The following DIS3L2 variants were observed in gnomAD, a reference collection of about 807,000 sequenced individuals.
DIS3L2 encodes DIS3 like 3'-5' exoribonuclease 2.
DIS3L2 carries 34 observed loss-of-function variants against 97.5 expected under a neutral mutation model. The observed-to-expected ratio is 0.35, with a 90% CI of 0.27 to 0.46. DIS3L2 has a LOEUF of 0.46. Among genes scored for constraint, DIS3L2 ranks in the 20% least tolerant of loss-of-function variants. DIS3L2 has a pLI of 1.00. For synonymous variants in DIS3L2, 435 were observed against 445.2 expected (o/e 0.98, Z 0.29); for missense variants, 1,038 against 1,146.0 (o/e 0.91, Z 1.36).
intron 1 of DIS3L2, among the ~76,000 whole-genome samples, chr2:231,999,393 A>G (rs900459029): frequency 6.6e-6 from 1 of 152,230 alleles, no homozygotes; most frequent in Non-Finnish European, 1.5e-5. Context: ...AAGCTAGGGA[A>G]TATAAGAATA....
intron 5 of DIS3L2, among the ~76,000 whole-genome samples, chr2:232,056,131 G>A (rs1248520772): frequency 1.3e-5 from 2 of 152,148 alleles, no homozygotes; most frequent in African/African-American, 4.8e-5. Flanking sequence ...AGCACTTTGG[G>A]AGGCTGAGGC....
intron 12 of DIS3L2, among the ~76,000 whole-genome samples, chr2:232,252,945 A>C (rs1042153944): frequency 3.9e-5 from 6 of 152,190 alleles, no homozygotes; most frequent in African/African-American, 1.4e-4. Flanking sequence ...GATGAAAAAA[A>C]ATAAAAAACA....
chr2:232,188,013 G>A (rs562413287), intron 9 of DIS3L2, among the ~76,000 whole-genome samples: 7 of 152,196 alleles, frequency 4.6e-5, no homozygotes, highest in African/African-American at 1.2e-4. Context: ...GGTGGTGTGC[G>A]CCTGTAATCC....
chr2:232,249,021 G>A (rs1371532888), intron 11 of DIS3L2, among the ~76,000 whole-genome samples: 1 of 152,148 alleles, frequency 6.6e-6, no homozygotes, highest in Non-Finnish European at 1.5e-5. Flanking sequence ...TCCCTTACCA[G>A]TTCTCCTCAC....
At chr2:232,236,630 A>G (rs1277424349) in intron 10 of DIS3L2, among the ~76,000 whole-genome samples, 3 of 152,242 alleles carry the variant, frequency 2.0e-5, no homozygotes, top group African/African-American at 4.8e-5. Context: ...CCTGAAGTTC[A>G]TATCATTTAT....
Position 232,330,709 on chromosome 2 carries a change from T to C in DIS3L2, c.1943T>C (p.Phe648Ser). The change falls in exon 16 of 21, where the codon TTT becomes TCT. Residue 648 changes from phenylalanine to serine, a missense_variant. Physicochemically the swap from Phe to Ser is radical, Grantham distance 155. Transcript: ENST00000325385. ...TTCTAGAAAAGCCTGACCCAAACAT[T>C]TGGAGATGACAAGTACTCACTGGCC... ...GALNKSLTQT[F>S]GDDKYSLARK... is the part of the protein sequence containing the mutation. The C allele has an allele frequency of 6.2e-7, 1 of 1,613,946 alleles. No individual in the cohort carries two copies. Among genetic ancestry groups the C allele is most frequent in the Non-Finnish European group, 8.5e-7 (1 of 1,180,016 alleles).
chr2:232,044,671 A>G (rs778651732), intron 5 of DIS3L2, among the ~76,000 whole-genome samples: 1 of 152,190 alleles, frequency 6.6e-6, no homozygotes, highest in Non-Finnish European at 1.5e-5. Context: ...CCTCAATTGC[A>G]CTTGAATAAA....
intron 1 of DIS3L2, among the ~76,000 whole-genome samples, chr2:232,004,322 C>T (rs1234296309): frequency 6.6e-6 from 1 of 152,172 alleles, no homozygotes; most frequent in Non-Finnish European, 1.5e-5. Flanking sequence ...ATCGACCCGC[C>T]TTGACCCCAC....
intron 11 of DIS3L2, among the ~76,000 whole-genome samples, chr2:232,247,958 AAAGTTG>A (rs1377414151): frequency 3.9e-5 from 6 of 152,210 alleles, no homozygotes; most frequent in African/African-American, 1.2e-4. Flanking sequence ...GCTGGTAGGA[AAAGTTG>A]TTACCAGAGT....
intron 1 of DIS3L2, among the ~76,000 whole-genome samples, chr2:232,002,589 T>C (rs1693938055): frequency 6.6e-6 from 1 of 152,262 alleles, no homozygotes. Context: ...TTTCTTTCTA[T>C]TTGAATTGCA....
intron 13 of DIS3L2, among the ~76,000 whole-genome samples, chr2:232,294,568 C>T (rs940892252): frequency 2.0e-5 from 3 of 152,202 alleles, no homozygotes; most frequent in Non-Finnish European, 2.9e-5. Flanking sequence ...CATTCCTTGA[C>T]TTCTTTTTGG....
intron 13 of DIS3L2, among the ~76,000 whole-genome samples, chr2:232,275,811 C>T (rs186019819): frequency 6.6e-6 from 1 of 152,296 alleles, no homozygotes; most frequent in Admixed American, 6.5e-5. Context: ...GAGTGGCTTA[C>T]TGTCTCCTGG....
chr2:232,035,543 G>A (rs538688120), intron 5 of DIS3L2, among the ~76,000 whole-genome samples: 2 of 152,270 alleles, frequency 1.3e-5, no homozygotes, highest in East Asian at 1.9e-4. Context: ...CTGTCATTAC[G>A]ATGCTAGCTG....
chr2:232,057,339 G>T (rs958875753), intron 5 of DIS3L2, among the ~76,000 whole-genome samples: 4 of 152,066 alleles, frequency 2.6e-5, no homozygotes, highest in African/African-American at 9.7e-5. Context: ...CTTGAGTGTG[G>T]GTGGGACCTG....
rs1483169402 is a variant in DIS3L2 at position 232,269,623 on chromosome 2, G to A, written c.1659+6183G>A. 6.6e-6 allele frequency among the ~76,000 whole-genome samples: 1 copy of A among 152,154 alleles called. No individual in the cohort carries two copies. The highest frequency in any genetic ancestry group is 1.9e-4 in the East Asian group (1 of 5,182). On this transcript the variant is annotated intron_variant, in intron 13 of 20. Transcript: ENST00000325385. The surrounding 1 kb of genome is among the most constrained non-coding windows in gnomAD (Gnocchi z 4.5). ...GGGGTTCAGGGAAGATTTTCCAGCA[G>A]AAGTAGTGGGGCATTAGGCCTTCTA...
At chr2:232,260,428 TG>T in intron 12 of DIS3L2, 1 of 152,350 alleles carries the variant, frequency 6.6e-6, no homozygotes, top group Non-Finnish European at 1.5e-5. Context: ...CACTCCCCAC[TG>T]GGACTGTCAG....
intron 7 of DIS3L2, among the ~76,000 whole-genome samples, chr2:232,132,235 C>T (rs1323837320): frequency 2.0e-5 from 3 of 152,106 alleles, no homozygotes; most frequent in Non-Finnish European, 4.4e-5. Flanking sequence ...AGGCAAACAG[C>T]ACTTGCCTGC....
intron 5 of DIS3L2, among the ~76,000 whole-genome samples, chr2:232,061,613 A>G (rs114909745): frequency 0.013 from 1,957 of 152,282 alleles, 30 homozygotes; most frequent in Non-Finnish European, 0.019. Flanking sequence ...GATTGCCTCC[A>G]GGATAATTTT....
intron 10 of DIS3L2, among the ~76,000 whole-genome samples, chr2:232,231,036 A>G (rs1156671984): frequency 6.6e-6 from 1 of 152,116 alleles, no homozygotes; most frequent in East Asian, 1.9e-4. Context: ...TTTCATTACT[A>G]ATGAACTCTA....
Sources: allele counts gnomAD v4.1 joint callset (sites outside exome capture counted in the v4.1 genomes callset), GRCh38; gene constraint gnomAD v4.1.1; non-coding constraint Gnocchi (gnomAD v3.1); transcripts MANE v1.5; gene names NCBI Gene and HGNC (gene_info 2026-07-23, HGNC 2026-07-21).